Variants in ITFG1 observed in about 807,000 individuals in gnomAD.
The protein encoded by ITFG1 is integrin alpha FG-GAP repeat containing 1, also known as T-cell immunomodulatory protein.
In ITFG1, 34 loss-of-function variants were observed where a neutral mutation model predicts 81.8. The ratio of observed to expected loss-of-function variants is 0.42; its 90% confidence interval spans 0.32 to 0.55. The LOEUF (loss-of-function observed/expected upper bound fraction) is 0.55, where lower values mean the gene tolerates loss of function less well. Among genes scored for constraint, ITFG1 ranks in the 20% least tolerant of loss-of-function variants. The pLI, the probability that ITFG1 is intolerant of heterozygous loss-of-function variation, is 0.17. For synonymous variants in ITFG1, 285 were observed against 270.6 expected (o/e 1.05, Z -0.52); for missense variants, 672 against 755.4 (o/e 0.89, Z 1.29).
At chr16:47,171,256 C>CTTTG (rs1408805071) in intron 14 of ITFG1, among the ~76,000 whole-genome samples, 1 of 152,088 alleles carries the variant, frequency 6.6e-6, no homozygotes, top group East Asian at 1.9e-4. Context: ...ATTCTTCATG[C>CTTTG]TTTGGCCTCT....
At chr16:47,177,917 A>G (rs1266214938) in intron 14 of ITFG1, among the ~76,000 whole-genome samples, 2 of 152,244 alleles carry the variant, frequency 1.3e-5, no homozygotes, top group Non-Finnish European at 2.9e-5. Context: ...TTTATTGTTA[A>G]CAGGATAAAC....
rs1205240890 is a variant in ITFG1, at chr16:47,161,806, T to G, written c.1605A>C (p.Ala535=). ...EKSIRKQEWT[A]IIPNSQLIVI... Reference sequence around the variant, plus strand: ...CAATTAGCTGGGAATTTGGAATGATTGCAGTCCACTCTTGTTTTCGTATAG... The same window carrying G: ...CAATTAGCTGGGAATTTGGAATGATGGCAGTCCACTCTTGTTTTCGTATAG... Residue 535 remains alanine (A), a synonymous_variant, in exon 16 of 18, where the codon GCA becomes GCC. Transcript: ENST00000320640. 6.2e-7 allele frequency: 1 copy of G among 1,608,632 alleles called. No individual in the cohort carries two copies. Among genetic ancestry groups the G allele is most frequent in the Admixed American group, 1.7e-5 (1 of 59,998 alleles).
At chr16:47,203,760 C>T (rs1965457474) in intron 14 of ITFG1, among the ~76,000 whole-genome samples, 1 of 152,170 alleles carries the variant, frequency 6.6e-6, no homozygotes, top group Admixed American at 6.5e-5. Context: ...TGGCCCGGTT[C>T]CTAACAGGCC....
At chr16:47,403,431 G>GGGTGAC (rs1231677963) in intron 6 of ITFG1, among the ~76,000 whole-genome samples, 2 of 151,960 alleles carry the variant, frequency 1.3e-5, no homozygotes, top group African/African-American at 4.8e-5. Flanking sequence ...GGAGGTTAGG[G>GGGTGAC]GGTGACGCTT....
intron 6 of ITFG1, among the ~76,000 whole-genome samples, chr16:47,424,648 T>A (rs1421787843): frequency 2.6e-5 from 4 of 152,196 alleles, no homozygotes; most frequent in African/African-American, 9.7e-5. Context: ...ATGTTGATGC[T>A]ATTCCTTTCT....
At chr16:47,427,117 C>G (rs1969032834) in intron 6 of ITFG1, among the ~76,000 whole-genome samples, 1 of 152,138 alleles carries the variant, frequency 6.6e-6, no homozygotes, top group Non-Finnish European at 1.5e-5. Context: ...AGTAGAGTGA[C>G]AGATTTAGTG....
intron 8 of ITFG1, among the ~76,000 whole-genome samples, chr16:47,353,420 T>C (rs559972217): frequency 5.3e-5 from 8 of 152,012 alleles, no homozygotes; most frequent in Admixed American, 3.9e-4. Flanking sequence ...AAACCATATA[T>C]GACAAACCTA....
At chr16:47,197,970 T>G (rs921808371) in intron 14 of ITFG1, among the ~76,000 whole-genome samples, 1 of 152,250 alleles carries the variant, frequency 6.6e-6, no homozygotes, top group African/African-American at 2.4e-5. Context: ...TGCTGAGATA[T>G]GATAAGCTCT....
chr16:47,360,357 A>G (rs769221454), intron 8 of ITFG1, among the ~76,000 whole-genome samples: 1 of 152,110 alleles, frequency 6.6e-6, no homozygotes, highest in Non-Finnish European at 1.5e-5. Context: ...AACTTCAAAC[A>G]TTCCTCTGTT....
chr16:47,402,924 G>GA (rs1968680089), intron 6 of ITFG1, among the ~76,000 whole-genome samples: 1 of 152,024 alleles, frequency 6.6e-6, no homozygotes. Context: ...AAGAACCACA[G>GA]AAATTCCAGT....
chr16:47,364,805 G>T (rs1968153889), intron 8 of ITFG1, among the ~76,000 whole-genome samples: 1 of 152,192 alleles, frequency 6.6e-6, no homozygotes, highest in African/African-American at 2.4e-5. Context: ...TTAGTCAGCT[G>T]CATACAGAGC....
chr16:47,307,002 G>A (rs1967172885), intron 10 of ITFG1, among the ~76,000 whole-genome samples: 1 of 142,976 alleles, frequency 7.0e-6, no homozygotes, highest in Non-Finnish European at 1.5e-5. Flanking sequence ...GCTGAGGCAG[G>A]AGAACGGCGT....
Position 47,155,567 on chromosome 16 carries a change from T to A in ITFG1, c.*152A>T. ...TTAAAAAAAAAGACCTTGTGACATA[T>A]TCAAACCATATTTATTTGAATACTT... On this transcript the variant is annotated 3_prime_UTR_variant, in exon 18 of 18. Transcript: ENST00000320640. The A allele has an allele frequency of 1.7e-6, 1 of 604,908 alleles. No homozygotes were observed. Among genetic ancestry groups the A allele is most frequent in the South Asian group, 2.5e-5 (1 of 40,074 alleles). The allele number at this position is 604,908 out of a possible 1,614,324, so 37.5% of individuals were successfully genotyped here. A position where few individuals can be genotyped will look rare whatever the true frequency, so the allele number is the denominator to read the frequency against.
chr16:47,390,958 A>C (rs911694299), intron 6 of ITFG1, among the ~76,000 whole-genome samples: 2 of 152,090 alleles, frequency 1.3e-5, no homozygotes, highest in African/African-American at 4.8e-5. Context: ...ATTTTATATA[A>C]TTTTTATATG....
At chr16:47,177,889 G>A (rs999676794) in intron 14 of ITFG1, among the ~76,000 whole-genome samples, 1 of 152,146 alleles carries the variant, frequency 6.6e-6, no homozygotes, top group Non-Finnish European at 1.5e-5. Context: ...ATAGAGTACA[G>A]TAATTGCTAA....
At chr16:47,157,539 T>C (rs1339895127) in intron 17 of ITFG1, 1 of 152,240 alleles carries the variant, frequency 6.6e-6, no homozygotes, top group African/African-American at 2.4e-5. Context: ...TGAAATTCAT[T>C]TCCTTTGCTT....
chr16:47,346,203 T>C (rs888713984), intron 8 of ITFG1, among the ~76,000 whole-genome samples: 1 of 152,184 alleles, frequency 6.6e-6, no homozygotes, highest in Non-Finnish European at 1.5e-5. Context: ...CAAGTCTTAA[T>C]AAATTTTAAA....
chr16:47,390,365 AG>A (rs1288878932), intron 6 of ITFG1, among the ~76,000 whole-genome samples: 1 of 152,226 alleles, frequency 6.6e-6, no homozygotes, highest in Non-Finnish European at 1.5e-5. Flanking sequence ...TGTGAAATCA[AG>A]GGGAAAAAAC....
At chr16:47,289,094 T>C (rs1966882011) in intron 10 of ITFG1, among the ~76,000 whole-genome samples, 1 of 152,212 alleles carries the variant, frequency 6.6e-6, no homozygotes, top group African/African-American at 2.4e-5. Flanking sequence ...CCTCTTTCGA[T>C]ATTTATTGAG....
Sources: allele counts gnomAD v4.1 joint callset (sites outside exome capture counted in the v4.1 genomes callset), GRCh38; gene constraint gnomAD v4.1.1; transcripts MANE v1.5; gene names NCBI Gene and HGNC (gene_info 2026-07-23, HGNC 2026-07-21).